DGKE: variants seen among roughly 807,000 people sequenced by gnomAD.
The protein encoded by DGKE is DAG kinase epsilon.
In DGKE, 53 loss-of-function variants were observed where a neutral mutation model predicts 70.0. The ratio of observed to expected loss-of-function variants is 0.76; its 90% CI spans 0.61 to 0.95. The LOEUF is 0.95. DGKE is among the 40% of genes least tolerant of loss of function. The pLI is 0.00. For missense variants in DGKE, 655 were observed against 706.9 expected (o/e 0.93, Z 0.83); for synonymous variants, 291 against 257.0 (o/e 1.13, Z -1.27).
At chr17:56,838,414 T>G (rs1906763808) in intron 2 of DGKE, 1 of 152,246 alleles carries the variant, frequency 6.6e-6, no homozygotes, top group African/African-American at 2.4e-5. Context: ...CCATTTCGTC[T>G]GTCATAATTA....
In DGKE at chr17:56,844,155, G is replaced by C. The variant is rs370201438; in HGVS notation, c.601G>C (p.Asp201His). ...YLTSINQMRK[D>H]KKTDYEVLAS... ...AACATCCATTAATCAGATGCGTAAA[G>C]ACAAAAAAACAGATTATGAAGTGGT... The change falls in exon 3 of 12, where the codon GAC (aspartate) becomes CAC (histidine). Residue 201 changes from aspartate to histidine, a missense_variant. Asp to His is a moderately conservative substitution (Grantham distance 81). Coordinates refer to ENST00000284061, the MANE Select transcript of DGKE (RefSeq NM_003647.3). 8 of 1,535,630 alleles carry C rather than the reference G, an allele frequency of 5.2e-6. No individual in the cohort carries two copies. The Admixed American group carries it at 1.9e-4, about 36-fold the overall frequency.
Position 56,841,011 on chromosome 17 carries a change from T to C in DGKE, c.465-3008T>C, listed in dbSNP as rs748324285. On this transcript the variant is annotated intron_variant, in intron 2 of 11. Transcript: ENST00000284061. ...GCTCACACCTGTAATCCCAGCACTTTGGGAGGCCGAGGCAGACTGATGAGG... is the reference window on the plus strand; with the variant it reads ...GCTCACACCTGTAATCCCAGCACTTCGGGAGGCCGAGGCAGACTGATGAGG... 2.9e-4 allele frequency among the ~76,000 whole-genome samples: 44 copies of C among 152,016 alleles called. 1 individual carries two copies. Among genetic ancestry groups the C allele is most frequent in the Admixed American group, 1.2e-3 (18 of 15,256 alleles).
At chr17:56,852,585 A>G (rs556050279) in intron 7 of DGKE, among the ~76,000 whole-genome samples, 4 of 150,302 alleles carry the variant, frequency 2.7e-5, no homozygotes, top group Non-Finnish European at 5.9e-5. Context: ...TAGCTTATTA[A>G]AGTGGATTGC....
At chr17:56,853,965 G>A (rs1907795196) in intron 7 of DGKE, among the ~76,000 whole-genome samples, 1 of 147,592 alleles carries the variant, frequency 6.8e-6, no homozygotes, top group African/African-American at 2.5e-5. Context: ...ATACACAATG[G>A]AAAACTATTC....
In DGKE at chr17:56,844,751, C is replaced by G. The variant is rs149816822; in HGVS notation, c.624+573C>G. Among the ~76,000 whole-genome samples the G allele has an allele frequency of 7.2e-4, 110 of 152,228 alleles. 1 individual carries two copies. The East Asian group carries it at 0.018, about 25-fold the overall frequency. On this transcript the variant is annotated intron_variant, in intron 3 of 11. Coordinates refer to ENST00000284061, the MANE Select transcript of DGKE (RefSeq NM_003647.3). The stretch of plus-strand genomic sequence containing the variant: ...ATGCTCCCACAAATAATGGTGAACA[C>G]TAAACCTGTTAACAGTTTATAGATG...
chr17:56,843,975 T>C (rs1381995136), intron 2 of DGKE, 44 bp from the exon 3 acceptor site: 11 of 1,501,196 alleles, frequency 7.3e-6, no homozygotes, highest in Non-Finnish European at 2.7e-6. Flanking sequence ...ATCATTGAGA[T>C]TATGGTTTAA....
intron 9 of DGKE, among the ~76,000 whole-genome samples, chr17:56,859,008 G>C (rs1050159183): frequency 6.6e-6 from 1 of 152,148 alleles, no homozygotes; most frequent in Non-Finnish European, 1.5e-5. Context: ...ATTAGGGTGA[G>C]TGGCCTCCAT....
intron 7 of DGKE, among the ~76,000 whole-genome samples, 163 bp from the exon 8 acceptor site, chr17:56,856,349 A>T (rs1907948761): frequency 1.3e-5 from 2 of 152,232 alleles, no homozygotes; most frequent in African/African-American, 4.8e-5. Flanking sequence ...TGGAAGCTTT[A>T]TTTCTGGTAA....
At position 56,835,048 on chromosome 17, in the gene DGKE, G is replaced by T; in HGVS notation, c.253G>T (p.Ala85Ser). ...GTGCGCGCAGCACATTCTGCAGGGC[G>T]CCTTCTGCGACTGCTGCGGGCTCCG... ...CVCAQHILQG[A>S]FCDCCGLRVD... Residue 85 changes from alanine to serine, a missense_variant, in exon 2 of 12, where the codon GCC becomes TCC. Physicochemically the swap from Ala to Ser is moderately conservative, Grantham distance 99 (BLOSUM62 1). Coordinates refer to ENST00000284061, the MANE Select transcript of DGKE (RefSeq NM_003647.3). 4 of 1,612,994 alleles carry T rather than the reference G, an allele frequency of 2.5e-6. No homozygotes were observed. The highest frequency in any genetic ancestry group is 1.7e-6 in the Non-Finnish European group (2 of 1,180,018).
chr17:56,841,205 T>C (rs1044011095), intron 2 of DGKE, among the ~76,000 whole-genome samples: 12 of 149,068 alleles, frequency 8.1e-5, no homozygotes, highest in Admixed American at 7.4e-4. Flanking sequence ...GAGCCGAGAT[T>C]GCACCACTGC....
Position 56,866,913 on chromosome 17 carries a change from TC to T in DGKE, c.*4123del, listed in dbSNP as rs1451503937. On this transcript the variant is annotated 3_prime_UTR_variant, in exon 12 of 12. Transcript: ENST00000284061. ...ACTAATTTTTACATATTCAGAAACT[TC>T]GTGTTTTTTTGGTGGACAGAATATT... The T allele has an allele frequency of 1.3e-5, 2 of 152,246 alleles. No individual in the cohort carries two copies. The highest frequency in any genetic ancestry group is 2.4e-5 in the African/African-American group (1 of 41,458). The allele number at this position is 152,246 out of a possible 1,614,324, so 9.4% of individuals were successfully genotyped here.
intron 7 of DGKE, among the ~76,000 whole-genome samples, chr17:56,854,941 C>T (rs1907857440): frequency 6.6e-6 from 1 of 152,108 alleles, no homozygotes; most frequent in African/African-American, 2.4e-5. Flanking sequence ...AACATCCAAA[C>T]AATCAAATAA....
intron 8 of DGKE, among the ~76,000 whole-genome samples, chr17:56,858,071 C>CAAAA (rs11449627): frequency 3.4e-4 from 34 of 100,450 alleles, no homozygotes; most frequent in African/African-American, 5.0e-4. Flanking sequence ...GACTCCATCT[C>CAAAA]AAAAAAAAAA....
Position 56,847,909 on chromosome 17 carries a change from CTT to C in DGKE, c.745-10_745-9del. The C allele has an allele frequency of 6.5e-7, 1 of 1,531,008 alleles. No homozygotes were observed. Among genetic ancestry groups the C allele is most frequent in the Non-Finnish European group, 8.8e-7 (1 of 1,139,774 alleles). The allele number at this position is 1,531,008 out of a possible 1,614,324, so 94.8% of individuals were successfully genotyped here. A position where few individuals can be genotyped will look rare whatever the true frequency, so the allele number is the denominator to read the frequency against. On this transcript the variant is annotated splice_polypyrimidine_tract_variant and intron_variant, in intron 4 of 11. Coordinates refer to ENST00000284061, the MANE Select transcript of DGKE (RefSeq NM_003647.3). Reference sequence around the variant, plus strand: ...TTGGATAAAAATAATTTGTCTTTTTCTTTTGTTTCTAGGTTTTTGATGTAACT... The same window carrying C: ...TTGGATAAAAATAATTTGTCTTTTTCTTGTTTCTAGGTTTTTGATGTAACT...
intron 7 of DGKE, among the ~76,000 whole-genome samples, chr17:56,854,857 C>T (rs1464353254): frequency 6.6e-6 from 1 of 152,188 alleles, no homozygotes; most frequent in East Asian, 1.9e-4. Context: ...CAGCCATTTG[C>T]TGTCAAGAAA....
At chr17:56,854,937 C>T (rs1907856663) in intron 7 of DGKE, among the ~76,000 whole-genome samples, 1 of 152,180 alleles carries the variant, frequency 6.6e-6, no homozygotes, top group Non-Finnish European at 1.5e-5. Context: ...GAAGAACATC[C>T]AAACAATCAA....
At position 56,867,761 on chromosome 17, in the gene DGKE, G is replaced by GT. The variant is rs1908587094; in HGVS notation, c.*4970_*4971insT. 6.6e-6 allele frequency: 1 copy of GT among 152,352 alleles called. No homozygotes were observed. Among genetic ancestry groups the GT allele is most frequent in the Non-Finnish European group, 1.5e-5 (1 of 68,184 alleles). The allele number at this position is 152,352 out of a possible 1,614,324, so 9.4% of individuals were successfully genotyped here. A position where few individuals can be genotyped will look rare whatever the true frequency, so the allele number is the denominator to read the frequency against. On this transcript the variant is annotated 3_prime_UTR_variant, in exon 12 of 12. Transcript: ENST00000284061. Reference sequence around the variant, plus strand: ...ATCCAAAAATTTAGCCGGGCATGGTGGCGGGCACCTGTAGTCCCAGCTACT... The same window carrying GT: ...ATCCAAAAATTTAGCCGGGCATGGTGTGCGGGCACCTGTAGTCCCAGCTACT...
At chr17:56,843,831 C>T (rs1907133852) in intron 2 of DGKE, among the ~76,000 whole-genome samples, 188 bp from the exon 3 acceptor site, 1 of 144,616 alleles carries the variant, frequency 6.9e-6, no homozygotes, top group Admixed American at 7.0e-5. Flanking sequence ...TTAGATTAAA[C>T]TGCCAAATAT....
In DGKE at chr17:56,862,250, G is replaced by A. The variant is rs1490532514; in HGVS notation, c.1523G>A (p.Arg508Lys). ...PFRIGQAHTV[R>K]LILKCSMMPM... is the part of the protein sequence containing the mutation. ...CGAATAGGACAGGCACATACAGTGA[G>A]GGTAGGTGAAATATAGCTGTAACAG... The change falls in exon 11 of 12, where the codon AGG (arginine) becomes AAG (lysine). Residue 508 changes from arginine to lysine, a missense_variant and splice_region_variant. Arg to Lys is a conservative substitution (Grantham distance 26). Coordinates refer to ENST00000284061, the MANE Select transcript of DGKE (RefSeq NM_003647.3). 3 of 1,612,804 alleles carry A rather than the reference G, an allele frequency of 1.9e-6. No homozygotes were observed. In the Admixed American group the frequency reaches 5.0e-5, roughly 27 times the overall value.
Sources: gnomAD v4.1 joint callset for allele counts (sites outside exome capture counted in the v4.1 genomes callset) on GRCh38, gnomAD v4.1.1 for gene constraint, MANE v1.5 for transcripts, NCBI Gene and HGNC (gene_info 2026-07-23, HGNC 2026-07-21) for gene names.